ANKFY1: variants seen among roughly 807,000 people sequenced by gnomAD.
The protein encoded by ANKFY1 is ankyrin repeat and FYVE domain containing 1, also known as ankyrin repeat and FYVE domain-containing protein 1.
ANKFY1 carries 47 observed loss-of-function variants against 128.3 expected under a neutral mutation model. That is an observed-to-expected ratio of 0.37 (90% CI 0.29 to 0.47). ANKFY1 has a LOEUF of 0.47. Among genes scored for constraint, ANKFY1 ranks in the 20% least tolerant of loss-of-function variants. The pLI is 1.00. For synonymous variants in ANKFY1, 553 were observed against 601.6 expected (o/e 0.92, Z 1.18); for missense variants, 1,222 against 1,510.6 (o/e 0.81, Z 3.17).
chr17:4,180,760 CAAAAAAAAAAAAAA>C (rs11392631), intron 16 of ANKFY1, among the ~76,000 whole-genome samples: 2 of 58,026 alleles, frequency 3.4e-5, no homozygotes, highest in Non-Finnish European at 6.7e-5. Flanking sequence ...GACTCTGTCT[CAAAAAAAAAAAAAA>C]AAAAAAAAAA....
At chr17:4,258,493 C>G (rs1968242429) in intron 1 of ANKFY1, among the ~76,000 whole-genome samples, 1 of 149,030 alleles carries the variant, frequency 6.7e-6, no homozygotes, top group South Asian at 2.1e-4. Context: ...CACTGCACTC[C>G]AGCCTGGGAG....
intron 1 of ANKFY1, among the ~76,000 whole-genome samples, chr17:4,262,506 C>T (rs1968473765): frequency 6.6e-6 from 1 of 152,174 alleles, no homozygotes; most frequent in Non-Finnish European, 1.5e-5. Flanking sequence ...AAGCGATCCT[C>T]CCACCTCGGC....
chr17:4,207,201 G>A (rs2060042437), intron 6 of ANKFY1, among the ~76,000 whole-genome samples: 1 of 152,040 alleles, frequency 6.6e-6, no homozygotes, highest in Non-Finnish European at 1.5e-5. Context: ...CAGAGGGCCC[G>A]ATCTATCTAA....
Position 4,170,171 on chromosome 17 carries a change from G to T in ANKFY1, c.3286+544C>A, listed in dbSNP as rs76600444. On this transcript the variant is annotated intron_variant, in intron 23 of 24. Transcript: ENST00000341657. The stretch of plus-strand genomic sequence containing the variant: ...CCATCCCATGGCTACCGGGGATGTC[G>T]GAGCTTGTTTTCCTGCCTGTCTCTC... 5.1e-3 allele frequency among the ~76,000 whole-genome samples: 783 copies of T among 152,350 alleles called. 6 individuals are homozygous for T. The highest frequency in any genetic ancestry group is 0.018 in the African/African-American group (763 of 41,580).
intron 22 of ANKFY1, 36 bp from the exon 23 acceptor site, chr17:4,170,897 C>A (rs763099085): frequency 3.7e-6 from 6 of 1,612,390 alleles, no homozygotes; most frequent in Non-Finnish European, 4.2e-6. Context: ...CTACTTCCCA[C>A]CCGGCCCAGC....
At position 4,206,615 on chromosome 17, in the gene ANKFY1, A is replaced by T. The variant is rs1262894780; in HGVS notation, c.733-129T>A. 5 of 783,176 alleles carry T rather than the reference A, an allele frequency of 6.4e-6. No individual in the cohort carries two copies. In the African/African-American group the frequency reaches 7.0e-5, roughly 11 times the overall value. 48.5% of individuals were successfully genotyped at this position (783,176 alleles called of 1,614,324 possible). A position where few individuals can be genotyped will look rare whatever the true frequency, so the allele number is the denominator to read the frequency against. Reference sequence around the variant, plus strand: ...AAATTTAAGTGCTCCAACACTGCTTACTCCCCAAATTCAACTTTATTCACA... The same window carrying T: ...AAATTTAAGTGCTCCAACACTGCTTTCTCCCCAAATTCAACTTTATTCACA... On this transcript the variant is annotated intron_variant, in intron 6 of 24. Transcript: ENST00000341657.
rs2059848866 is a variant in ANKFY1, at chr17:4,197,574, T to C, written c.902A>G (p.Asp301Gly). ...SLLHKGIQRG[D>G]LFAATFLIKN... is the part of the protein sequence containing the mutation. ...AATGAGGAAAGTGGCAGCAAAGAGA[T>C]CTCCTTGAAAAGAAATAATAGAAGA... is the stretch of plus-strand genomic sequence containing the variant. Residue 301 changes from aspartate (D) to glycine (G), a missense_variant, in exon 8 of 25, where the codon GAT becomes GGT. Coordinates refer to ENST00000341657, the MANE Select transcript of ANKFY1 (RefSeq NM_001330063.2). The C allele has an allele frequency of 6.2e-7, 1 of 1,613,938 alleles. No individual in the cohort carries two copies. The highest frequency in any genetic ancestry group is 8.5e-7 in the Non-Finnish European group (1 of 1,179,936).
At chr17:4,214,822 A>G (rs75728313) in intron 4 of ANKFY1, among the ~76,000 whole-genome samples, 3,061 of 151,916 alleles carry the variant, frequency 0.02, 109 homozygotes, top group African/African-American at 0.07. Context: ...TGGATGTGGG[A>G]AAAAAAAATT....
At chr17:4,240,864 C>T (rs547084034) in intron 2 of ANKFY1, among the ~76,000 whole-genome samples, 1 of 152,330 alleles carries the variant, frequency 6.6e-6, no homozygotes, top group East Asian at 1.9e-4. Flanking sequence ...GTACCCTAAA[C>T]TGGCCCCCTC....
At chr17:4,207,031 T>A (rs1192717362) in intron 6 of ANKFY1, among the ~76,000 whole-genome samples, 1 of 152,074 alleles carries the variant, frequency 6.6e-6, no homozygotes, top group Non-Finnish European at 1.5e-5. Flanking sequence ...CCACGTTACA[T>A]GGCAAAAGGC....
At chr17:4,221,670 G>C (rs2060315377) in intron 3 of ANKFY1, among the ~76,000 whole-genome samples, 1 of 152,110 alleles carries the variant, frequency 6.6e-6, no homozygotes, top group South Asian at 2.1e-4. Context: ...CCAGGCTGCA[G>C]TGCAGTGGCA....
chr17:4,217,287 G>A (rs908856732), intron 3 of ANKFY1, among the ~76,000 whole-genome samples, 169 bp from the exon 4 acceptor site: 1 of 152,174 alleles, frequency 6.6e-6, no homozygotes, highest in East Asian at 1.9e-4. Context: ...AGTGGCTCAC[G>A]CCTGTAATCC....
At chr17:4,258,967 T>C (rs901663256) in intron 1 of ANKFY1, among the ~76,000 whole-genome samples, 2 of 152,182 alleles carry the variant, frequency 1.3e-5, no homozygotes, top group African/African-American at 4.8e-5. Flanking sequence ...TTACTTTTAC[T>C]GAGGAAAAGA....
chr17:4,226,316 G>GT (rs1285019271), intron 3 of ANKFY1, among the ~76,000 whole-genome samples: 1 of 152,100 alleles, frequency 6.6e-6, no homozygotes, highest in Non-Finnish European at 1.5e-5. Context: ...GAGGCTAAGA[G>GT]TTTGAGACCA....
At chr17:4,253,762 A>G (rs8071596) in intron 1 of ANKFY1, among the ~76,000 whole-genome samples, 64,485 of 151,988 alleles carry the variant, frequency 0.42, 14,292 homozygotes, top group African/African-American at 0.54. Flanking sequence ...ATCTTGAACC[A>G]TGTGGCATGC....
intron 5 of ANKFY1, among the ~76,000 whole-genome samples, chr17:4,209,210 C>G (rs971944223): frequency 6.6e-6 from 1 of 152,260 alleles, no homozygotes; most frequent in Non-Finnish European, 1.5e-5. Context: ...GGCCGTGGAG[C>G]CACACCCTAC....
chr17:4,165,257 T>G lies in ANKFY1; in HGVS notation c.*2522A>C, dbSNP rs544253560. On this transcript the variant is annotated 3_prime_UTR_variant, in exon 25 of 25. Coordinates refer to ENST00000341657, the MANE Select transcript of ANKFY1 (RefSeq NM_001330063.2). ...GAGCAAAGGGCAGTTGAGAGCACATTCAGCATAACAATGTTGACTGTTGCA... is the reference window on the plus strand; with the variant it reads ...GAGCAAAGGGCAGTTGAGAGCACATGCAGCATAACAATGTTGACTGTTGCA... 1.3e-5 allele frequency: 2 copies of G among 152,344 alleles called. No homozygotes were observed. Among genetic ancestry groups the G allele is most frequent in the African/African-American group, 2.4e-5 (1 of 41,580 alleles). 9.4% of individuals were successfully genotyped at this position (152,344 alleles called of 1,614,324 possible).
Position 4,166,721 on chromosome 17 carries a change from A to G in ANKFY1, c.*1058T>C, listed in dbSNP as rs1045016. 139,780 of 152,342 alleles carry G rather than the reference A, an allele frequency of 0.92. 65,372 individuals are homozygous for G. Among genetic ancestry groups the G allele is most frequent in the East Asian group, 1 (5,182 of 5,182 alleles). 9.4% of individuals were successfully genotyped at this position (152,342 alleles called of 1,614,324 possible). A position where few individuals can be genotyped will look rare whatever the true frequency, so the allele number is the denominator to read the frequency against. ...ACTAGGGAGGATTTCAGCAAGAAGC[A>G]TTTGTGTCAAGGACATAGGACCTGC... On this transcript the variant is annotated 3_prime_UTR_variant, in exon 25 of 25. Coordinates refer to ENST00000341657, the MANE Select transcript of ANKFY1 (RefSeq NM_001330063.2).
At chr17:4,204,673 C>A (rs998300952) in intron 7 of ANKFY1, among the ~76,000 whole-genome samples, 1 of 152,170 alleles carries the variant, frequency 6.6e-6, no homozygotes, top group Non-Finnish European at 1.5e-5. Flanking sequence ...AGAATTAACT[C>A]CCTGGGAGGA....
Sources: allele counts gnomAD v4.1 joint callset (sites outside exome capture counted in the v4.1 genomes callset), GRCh38; gene constraint gnomAD v4.1.1; transcripts MANE v1.5; gene names NCBI Gene and HGNC (gene_info 2026-07-23, HGNC 2026-07-21).